Variants in MECOM observed in about 807,000 individuals in gnomAD.
MECOM encodes MDS1 and EVI1 complex locus, also known as histone-lysine N-methyltransferase MECOM.
MECOM carries 13 observed loss-of-function variants against 116.3 expected under a neutral mutation model. The ratio of observed to expected loss-of-function variants is 0.11; its 90% CI spans 0.07 to 0.18. MECOM has a LOEUF of 0.18. Ranked by LOEUF, MECOM falls within the 10% of genes least tolerant of loss-of-function variation. The probability of loss-of-function intolerance (pLI) is 1.00; values close to 1 mark genes in which losing one functional copy is unlikely to be tolerated. For missense variants in MECOM, 1,299 were observed against 1,509.0 expected (o/e 0.86, Z 2.31); for synonymous variants, 528 against 535.2 (o/e 0.99, Z 0.19).
intron 1 of MECOM, among the ~76,000 whole-genome samples, chr3:169,550,969 G>GC (rs1453844892): frequency 7.7e-6 from 1 of 129,504 alleles, no homozygotes; most frequent in Non-Finnish European, 1.6e-5. Flanking sequence ...GACTACAGGC[G>GC]CCCGCCACTA....
chr3:169,312,572 G>A (rs1719000794), intron 2 of MECOM, among the ~76,000 whole-genome samples: 1 of 152,010 alleles, frequency 6.6e-6, no homozygotes, highest in Non-Finnish European at 1.5e-5. Context: ...GTTTCACCGT[G>A]TTAGACAGGA....
intron 2 of MECOM, among the ~76,000 whole-genome samples, chr3:169,255,305 C>A (rs1216081809): frequency 6.6e-6 from 1 of 152,174 alleles, no homozygotes; most frequent in African/African-American, 2.4e-5. Context: ...CCTATGCAGT[C>A]CTTCCTAGTC....
At chr3:169,263,098 TATATATATATATATATATATATATATATA>T (rs1757765792) in intron 2 of MECOM, among the ~76,000 whole-genome samples, 3 of 66,318 alleles carry the variant, frequency 4.5e-5, no homozygotes, top group Admixed American at 1.9e-4. Flanking sequence ...TATATATATA[TATATATATATATATATATATATATATATA>T]TGTTTTTTTT....
At position 169,575,573 on chromosome 3, in the gene MECOM, G is replaced by A. The variant is rs1018333058; in HGVS notation, c.37+87763C>T. The stretch of plus-strand genomic sequence containing the variant: ...AACAGATGAGCCGTCCGGGGATGCC[G>A]CCTTGTCCTGCTTTTATCTTACACA... On this transcript the variant is annotated intron_variant, in intron 1 of 16. Coordinates refer to ENST00000651503, the MANE Select transcript of MECOM (RefSeq NM_004991.4). Among the ~76,000 whole-genome samples, 10 of 152,170 alleles carry A rather than the reference G, an allele frequency of 6.6e-5. 1 individual carries two copies. Among genetic ancestry groups the A allele is most frequent in the Middle Eastern group, 6.3e-3 (2 of 316 alleles).
intron 1 of MECOM, among the ~76,000 whole-genome samples, chr3:169,602,040 AAAG>A (rs1767897798): frequency 6.6e-6 from 1 of 152,244 alleles, no homozygotes; most frequent in Non-Finnish European, 1.5e-5. Context: ...ACGTATGGGG[AAAG>A]AAGAATTAGT....
chr3:169,376,309 G>T (rs1731029142), intron 2 of MECOM, among the ~76,000 whole-genome samples: 2 of 152,122 alleles, frequency 1.3e-5, no homozygotes, highest in Admixed American at 6.6e-5. Flanking sequence ...ATTCAACATA[G>T]TATTAGAAGT....
At chr3:169,261,638 T>G (rs1180415128) in intron 2 of MECOM, among the ~76,000 whole-genome samples, 1 of 150,904 alleles carries the variant, frequency 6.6e-6, no homozygotes, top group Non-Finnish European at 1.5e-5. Context: ...GAGGCAGAGG[T>G]TGCAGTGAGC....
intron 2 of MECOM, among the ~76,000 whole-genome samples, chr3:169,354,781 G>GT (rs769567587): frequency 9.3e-5 from 14 of 151,074 alleles, no homozygotes; most frequent in African/African-American, 1.5e-4. Context: ...TGTTTGTTCA[G>GT]TTTTTCCCCC....
intron 1 of MECOM, among the ~76,000 whole-genome samples, chr3:169,558,023 G>T (rs569913708): frequency 3.9e-5 from 6 of 152,094 alleles, no homozygotes; most frequent in Non-Finnish European, 8.8e-5. Flanking sequence ...TCAATAACAG[G>T]ATTTTTTAAA....
intron 2 of MECOM, among the ~76,000 whole-genome samples, chr3:169,312,620 C>T (rs529201755): frequency 7.7e-4 from 117 of 152,214 alleles, no homozygotes; most frequent in Non-Finnish European, 1.4e-3. Flanking sequence ...CCTCGTGATC[C>T]GCCCGCCTCG....
At chr3:169,346,172 G>A (rs1421107906) in intron 2 of MECOM, among the ~76,000 whole-genome samples, 1 of 152,006 alleles carries the variant, frequency 6.6e-6, no homozygotes, top group Non-Finnish European at 1.5e-5. Flanking sequence ...AAAAAACAAG[G>A]CATACATGTC....
intron 2 of MECOM, among the ~76,000 whole-genome samples, chr3:169,358,959 T>G (rs1259398832): frequency 6.6e-6 from 1 of 151,732 alleles, no homozygotes; most frequent in Admixed American, 6.6e-5. Context: ...AATTAGTACT[T>G]CTTTTTCATC....
intron 1 of MECOM, among the ~76,000 whole-genome samples, chr3:169,502,705 G>A (rs1578281362): frequency 6.6e-6 from 1 of 152,014 alleles, no homozygotes; most frequent in Non-Finnish European, 1.5e-5. Context: ...GGTAAAAATG[G>A]CTTTAAAGTT....
At chr3:169,655,550 T>C (rs1775440130) in intron 1 of MECOM, among the ~76,000 whole-genome samples, 1 of 152,184 alleles carries the variant, frequency 6.6e-6, no homozygotes, top group South Asian at 2.1e-4. Flanking sequence ...TCATTTTATT[T>C]ACACATCCCC....
intron 2 of MECOM, among the ~76,000 whole-genome samples, chr3:169,235,957 C>T (rs967589362): frequency 4.0e-5 from 6 of 150,740 alleles, no homozygotes; most frequent in Admixed American, 2.0e-4. Context: ...TCCAGAAAGA[C>T]ACGCATTCAG....
chr3:169,365,407 T>C (rs1272806640), intron 2 of MECOM, among the ~76,000 whole-genome samples: 4 of 152,066 alleles, frequency 2.6e-5, no homozygotes, highest in African/African-American at 9.7e-5. Context: ...ATATCTGTGT[T>C]GTAAAAGTTA....
At chr3:169,659,784 T>C (rs1776038034) in intron 1 of MECOM, among the ~76,000 whole-genome samples, 1 of 152,030 alleles carries the variant, frequency 6.6e-6, no homozygotes, top group Admixed American at 6.6e-5. Flanking sequence ...GGGGTTGTTT[T>C]GTTGTGTTTA....
intron 2 of MECOM, among the ~76,000 whole-genome samples, chr3:169,279,313 C>A (rs575621181): frequency 1.2e-4 from 18 of 152,280 alleles, no homozygotes; most frequent in African/African-American, 3.8e-4. Context: ...TGTTCACTGT[C>A]TGGAACATTG....
intron 1 of MECOM, among the ~76,000 whole-genome samples, chr3:169,608,872 T>C (rs1768910703): frequency 6.6e-6 from 1 of 152,196 alleles, no homozygotes; most frequent in Admixed American, 6.5e-5. Flanking sequence ...ACAGTTTTAT[T>C]ATGTAAATGA....
Sources: gnomAD v4.1 joint callset for allele counts (sites outside exome capture counted in the v4.1 genomes callset) on GRCh38, gnomAD v4.1.1 for gene constraint, MANE v1.5 for transcripts, NCBI Gene and HGNC (gene_info 2026-07-23, HGNC 2026-07-21) for gene names.